The following SCN10A variants were observed in gnomAD, a reference collection of about 807,000 sequenced individuals.
SCN10A encodes the protein sodium channel protein type 10 subunit alpha.
A neutral mutation model predicts 170.7 loss-of-function variants in SCN10A; 162 were observed. The observed-to-expected ratio is 0.95, with a 90% CI of 0.84 to 1.08. The LOEUF (loss-of-function observed/expected upper bound fraction) is 1.08, where lower values mean the gene tolerates loss of function less well. Ranked by LOEUF, SCN10A falls within the 50% of genes least tolerant of loss-of-function variation. SCN10A has a pLI of 0.00. For synonymous variants in SCN10A, 985 were observed against 904.6 expected, an observed-to-expected ratio of 1.09 and a Z score of -1.59; for missense variants, 2,527 against 2,436.9, an observed-to-expected ratio of 1.04 and a Z score of -0.78.
intron 11 of SCN10A, 35 bp downstream of exon 11, chr3:38,755,753 G>A (rs1008683367): frequency 8.7e-6 from 14 of 1,609,724 alleles, no homozygotes; most frequent in Admixed American, 1.7e-5. Context: ...CTGCAATGGT[G>A]GGTAATCTTT....
At chr3:38,814,380 T>C (rs2064459123) in intron 1 of SCN10A, among the ~76,000 whole-genome samples, 1 of 152,114 alleles carries the variant, frequency 6.6e-6, no homozygotes, top group African/African-American at 2.4e-5. Flanking sequence ...GAGGGGGAGC[T>C]AAGGGGAATC....
chr3:38,792,348 C>T (rs978501168), intron 2 of SCN10A, among the ~76,000 whole-genome samples, 180 bp from the exon 3 acceptor site: 11 of 152,090 alleles, frequency 7.2e-5, no homozygotes, highest in African/African-American at 2.7e-4. Context: ...GGACTAAAAG[C>T]CATATCCTCA....
In SCN10A at chr3:38,726,783, G is replaced by C; in HGVS notation, c.2910C>G (p.Ser970Arg). 6.2e-7 allele frequency: 1 copy of C among 1,611,324 alleles called. No homozygotes were observed. ...CTCTGGGAGCTTGGAGCCCTCCAGA[G>C]CTCCCCCTGGCAGTGTTGGCAGCAA... ...NHIAANTARGSSGGLQAPRGP... is the reference protein window; with the variant it reads ...NHIAANTARGRSGGLQAPRGP... The change falls in exon 17 of 28, where the codon AGC (serine) becomes AGG (arginine). Residue 970 changes from serine (S) to arginine (R), a missense_variant. Transcript: ENST00000449082.
At chr3:38,772,895 G>A (rs1039871224) in intron 4 of SCN10A, among the ~76,000 whole-genome samples, 2 of 151,986 alleles carry the variant, frequency 1.3e-5, no homozygotes, top group East Asian at 3.8e-4. Context: ...ACTAATAGGC[G>A]GACTTGTAAA....
chr3:38,789,204 G>A (rs1460717824), intron 3 of SCN10A, among the ~76,000 whole-genome samples, 168 bp from the exon 4 acceptor site: 1 of 152,152 alleles, frequency 6.6e-6, no homozygotes, highest in African/African-American at 2.4e-5. Flanking sequence ...GCTAGGCTGA[G>A]TACTTTGTCC....
At position 38,707,353 on chromosome 3, in the gene SCN10A, C is replaced by A. The variant is rs370610736; in HGVS notation, c.4312G>T (p.Glu1438Ter). Residue 1438 changes from glutamate to a stop codon, truncating the protein, a stop_gained, in exon 26 of 28, where the codon GAG becomes TAG. Coordinates refer to ENST00000449082, the MANE Select transcript of SCN10A (RefSeq NM_006514.4). LOFTEE classifies it high-confidence loss of function. ...LGGQDIFMTE[E>*]QKKYYNAMKK... is the part of the protein sequence containing the mutation. ...ATGGCATTGTAGTATTTCTTCTGCT[C>A]CTCTGTCATGAAGATGTCCTGGCCC... is the stretch of plus-strand genomic sequence containing the variant. The A allele has an allele frequency of 1.2e-6, 2 of 1,613,996 alleles. No homozygotes were observed. Among genetic ancestry groups the A allele is most frequent in the African/African-American group, 2.7e-5 (2 of 74,902 alleles).
At chr3:38,711,235 G>C (rs1019902526) in intron 23 of SCN10A, among the ~76,000 whole-genome samples, 1 of 152,174 alleles carries the variant, frequency 6.6e-6, no homozygotes, top group Non-Finnish European at 1.5e-5. Context: ...CCCTCTCAGG[G>C]CTGCCATTTT....
intron 1 of SCN10A, among the ~76,000 whole-genome samples, chr3:38,805,896 A>G (rs2064401891): frequency 6.6e-6 from 1 of 152,110 alleles, no homozygotes; most frequent in Non-Finnish European, 1.5e-5. Context: ...TAGCTAGGTA[A>G]TCTGTTGTTG....
chr3:38,739,340 T>A (rs1346013392), intron 15 of SCN10A, among the ~76,000 whole-genome samples, 175 bp downstream of exon 15: 1 of 152,114 alleles, frequency 6.6e-6, no homozygotes, highest in Non-Finnish European at 1.5e-5. Context: ...CCACTCTGAG[T>A]CAGCGAAAAG....
In SCN10A at chr3:38,756,688, GGA is replaced by G; in HGVS notation, c.1274_1275del (p.Leu425ProfsTer13). On this transcript the variant is annotated frameshift_variant, in exon 10 of 28. Coordinates refer to ENST00000449082, the MANE Select transcript of SCN10A (RefSeq NM_006514.4). LOFTEE classifies it high-confidence loss of function. Reference sequence around the variant, plus strand: ...TCCTCACAAACCTCCTGCTCCTTCCGGAGCATCTCGAGGGCCTCCTGGAACTT... The same window carrying G: ...TCCTCACAAACCTCCTGCTCCTTCCGGCATCTCGAGGGCCTCCTGGAACTT... Reference protein sequence around the residue: ...EKKFQEALEMLRKEQEVLAAL... With the variant: ...EKKFQEALEMXRKEQEVLAAL... 6.2e-7 allele frequency: 1 copy of G among 1,613,648 alleles called. No homozygotes were observed.
At chr3:38,719,413 A>G (rs1358075830) in intron 20 of SCN10A, among the ~76,000 whole-genome samples, 1 of 69,894 alleles carries the variant, frequency 1.4e-5, no homozygotes, top group African/African-American at 5.7e-5. Context: ...TTTTTTTTTG[A>G]GACGGAGTCT....
intron 21 of SCN10A, among the ~76,000 whole-genome samples, chr3:38,715,683 A>C (rs1238025513): frequency 6.6e-6 from 1 of 152,076 alleles, no homozygotes; most frequent in Non-Finnish European, 1.5e-5. Flanking sequence ...AAGAATTCTC[A>C]ACCACCCCAC....
chr3:38,726,931 C>T lies in SCN10A; in HGVS notation c.2762G>A (p.Gly921Asp). ...QVALARIQVF[G>D]HRTKQALCSF... ...GCAAAGAGCCTGTTTGGTACGATGG[C>T]CAAAGACCTGGATCCGTGCCAGGGC... The change falls in exon 17 of 28, where the codon GGC (glycine) becomes GAC (aspartate). Residue 921 changes from glycine to aspartate, a missense_variant. Coordinates refer to ENST00000449082, the MANE Select transcript of SCN10A (RefSeq NM_006514.4). The T allele has an allele frequency of 6.2e-7, 1 of 1,614,220 alleles. No homozygotes were observed. The highest frequency in any genetic ancestry group is 1.7e-5 in the Admixed American group (1 of 60,024).
chr3:38,788,893 C>T lies in SCN10A; in HGVS notation c.470+63G>A, dbSNP rs75062405. 5,688 of 982,630 alleles carry T rather than the reference C, an allele frequency of 5.8e-3. 189 individuals carry two copies. In the African/African-American group the frequency reaches 0.074, roughly 13 times the overall value. 60.9% of individuals were successfully genotyped at this position (982,630 alleles called of 1,614,324 possible). ...CAGGATAAATAAAAGACAAAGACTGCCAAGTGAAGGAAGAAAAGAAAGCAA... is the reference window on the plus strand; with the variant it reads ...CAGGATAAATAAAAGACAAAGACTGTCAAGTGAAGGAAGAAAAGAAAGCAA... On this transcript the variant is annotated intron_variant, in intron 4 of 27. Coordinates refer to ENST00000449082, the MANE Select transcript of SCN10A (RefSeq NM_006514.4).
rs2063163052 is a variant in SCN10A, at chr3:38,702,110, C to T, written c.4387-1G>A. On this transcript the variant is annotated splice_acceptor_variant, in intron 26 of 27. Coordinates refer to ENST00000449082, the MANE Select transcript of SCN10A (RefSeq NM_006514.4). LOFTEE classifies it high-confidence loss of function. ...CAAAGACAAAACCCTGGAACTTGTTCTGAGAAAACAAGAGATAGTGGCATC... is the reference window on the plus strand; with the variant it reads ...CAAAGACAAAACCCTGGAACTTGTTTTGAGAAAACAAGAGATAGTGGCATC... The T allele has an allele frequency of 6.5e-7, 1 of 1,539,766 alleles. No individual in the cohort carries two copies. Among genetic ancestry groups the T allele is most frequent in the South Asian group, 1.3e-5 (1 of 76,990 alleles).
At chr3:38,774,902 A>C (rs1197542955) in intron 4 of SCN10A, among the ~76,000 whole-genome samples, 1 of 152,168 alleles carries the variant, frequency 6.6e-6, no homozygotes, top group Non-Finnish European at 1.5e-5. Context: ...GCAAATCAGA[A>C]TCTGGAGGCA....
At chr3:38,725,114 C>A in intron 18 of SCN10A, 60 bp downstream of exon 18, 1 of 1,475,650 alleles carries the variant, frequency 6.8e-7, no homozygotes, top group Non-Finnish European at 9.2e-7. Context: ...CAGCCTCTAC[C>A]AGCCCACTGC....
At position 38,726,860 on chromosome 3, in the gene SCN10A, G is replaced by T; in HGVS notation, c.2833C>A (p.Pro945Thr). 1 of 1,614,208 alleles carries T rather than the reference G, an allele frequency of 6.2e-7. No homozygotes were observed. The highest frequency in any genetic ancestry group is 8.5e-7 in the Non-Finnish European group (1 of 1,180,028). The part of the protein sequence containing the change: ...SCPFPQPKAE[P>T]ELVVKLPLSS... ...AGTGGGAGTTTCACCACCAGCTCAG[G>T]CTCTGCCTTGGGCTGGGGGAATGGG... The change falls in exon 17 of 28, where the codon CCT becomes ACT. Residue 945 changes from proline to threonine, a missense_variant. Coordinates refer to ENST00000449082, the MANE Select transcript of SCN10A (RefSeq NM_006514.4).
rs777896190 is a variant in SCN10A at position 38,697,816 on chromosome 3, C to T, written c.5404G>A (p.Asp1802Asn). 1 of 1,614,128 alleles carries T rather than the reference C, an allele frequency of 6.2e-7. No individual in the cohort carries two copies. Among genetic ancestry groups the T allele is most frequent in the African/African-American group, 1.3e-5 (1 of 75,016 alleles). ...LVPGDKIHCL[D>N]ILFAFTKNVL... ...TTCTTGGTGAAAGCAAAAAGGATGT[C>T]CAAGCAGTGGATCTTATCTCCAGGG... The change falls in exon 28 of 28, where the codon GAC (aspartate) becomes AAC (asparagine). Residue 1802 changes from aspartate (D) to asparagine (N), a missense_variant. Coordinates refer to ENST00000449082, the MANE Select transcript of SCN10A (RefSeq NM_006514.4).
Sources: allele counts gnomAD v4.1 joint callset (sites outside exome capture counted in the v4.1 genomes callset), GRCh38; gene constraint gnomAD v4.1.1; transcripts MANE v1.5; gene names NCBI Gene and HGNC (gene_info 2026-07-23, HGNC 2026-07-21).